The following SNTG1 variants were observed in gnomAD, a reference collection of about 807,000 sequenced individuals.
The protein encoded by SNTG1 is gamma-1-syntrophin.
A neutral mutation model predicts 74.7 loss-of-function variants in SNTG1; 39 were observed. The ratio of observed to expected loss-of-function variants is 0.52; its 90% CI spans 0.40 to 0.68. The LOEUF (loss-of-function observed/expected upper bound fraction) is 0.68. Among genes scored for constraint, SNTG1 ranks in the 30% least tolerant of loss-of-function variants. The pLI is 0.00. For synonymous variants in SNTG1, 254 were observed against 217.1 expected (o/e 1.17, Z -1.49); for missense variants, 685 against 609.5 (o/e 1.12, Z -1.30).
chr8:50,074,360 A>G (rs962409090), intron 1 of SNTG1, among the ~76,000 whole-genome samples: 12 of 152,198 alleles, frequency 7.9e-5, no homozygotes, highest in African/African-American at 2.7e-4. Context: ...TTGGTTTAAG[A>G]AGAGTTGTGG....
chr8:50,262,710 G>A (rs6987291), intron 2 of SNTG1, among the ~76,000 whole-genome samples: 135,896 of 152,156 alleles, frequency 0.89, 62,174 homozygotes, highest in East Asian at 1. Context: ...CGCCCGGCCC[G>A]AAATCTTTTT....
chr8:50,175,666 A>G (rs1271190432), intron 2 of SNTG1, among the ~76,000 whole-genome samples: 3 of 152,198 alleles, frequency 2.0e-5, no homozygotes, highest in East Asian at 1.9e-4. Context: ...CTAAAGCCCA[A>G]TAAGAGTACA....
At chr8:50,559,240 TA>T (rs1167841480) in intron 12 of SNTG1, among the ~76,000 whole-genome samples, 1 of 152,208 alleles carries the variant, frequency 6.6e-6, no homozygotes, top group Non-Finnish European at 1.5e-5. Context: ...AGTGTTTAGA[TA>T]AATAAACAAA....
intron 1 of SNTG1, among the ~76,000 whole-genome samples, chr8:50,002,576 G>A (rs1814842735): frequency 6.6e-6 from 1 of 151,682 alleles, no homozygotes; most frequent in Non-Finnish European, 1.5e-5. Flanking sequence ...TATATTGGGT[G>A]GATTACTTGA....
chr8:49,933,858 C>G (rs1015519839), intron 1 of SNTG1, among the ~76,000 whole-genome samples: 2 of 152,072 alleles, frequency 1.3e-5, no homozygotes, highest in African/African-American at 2.4e-5. Flanking sequence ...ACCTCCTGGA[C>G]TTGGTTGTGG....
At chr8:50,611,410 G>A (rs1179420751) in intron 13 of SNTG1, among the ~76,000 whole-genome samples, 1 of 152,096 alleles carries the variant, frequency 6.6e-6, no homozygotes. Context: ...AGTTAGTGTG[G>A]GGAGGGGTAG....
chr8:50,071,164 C>A (rs1255698413), intron 1 of SNTG1, among the ~76,000 whole-genome samples: 1 of 152,180 alleles, frequency 6.6e-6, no homozygotes, highest in Non-Finnish European at 1.5e-5. Context: ...ACAAAAGAAT[C>A]TGTGGACCTC....
chr8:50,531,792 C>T (rs2094270553), intron 10 of SNTG1, among the ~76,000 whole-genome samples: 2 of 152,144 alleles, frequency 1.3e-5, no homozygotes, highest in Admixed American at 6.5e-5. Context: ...GAAACAAGAG[C>T]AACTTACTTC....
At chr8:50,421,051 G>C (rs1390375012) in intron 4 of SNTG1, among the ~76,000 whole-genome samples, 4 of 23,170 alleles carry the variant, frequency 1.7e-4, no homozygotes, top group Admixed American at 4.9e-4. Context: ...GTGGGCGGGG[G>C]AGGGGGGGGC....
chr8:50,604,213 G>A (rs113964374), intron 13 of SNTG1, among the ~76,000 whole-genome samples: 1 of 152,118 alleles, frequency 6.6e-6, no homozygotes, highest in Non-Finnish European at 1.5e-5. Flanking sequence ...TAGCTCAGGA[G>A]TTTGAGATCA....
At chr8:50,306,585 C>T (rs936878870) in intron 2 of SNTG1, among the ~76,000 whole-genome samples, 1 of 152,022 alleles carries the variant, frequency 6.6e-6, no homozygotes, top group Non-Finnish European at 1.5e-5. Flanking sequence ...TTCATATTAG[C>T]CATTCTGGTA....
chr8:50,241,772 A>G (rs932608072), intron 2 of SNTG1, among the ~76,000 whole-genome samples: 2 of 152,200 alleles, frequency 1.3e-5, no homozygotes, highest in African/African-American at 2.4e-5. Context: ...TTCATGCCAG[A>G]TGGGATGATA....
intron 13 of SNTG1, among the ~76,000 whole-genome samples, chr8:50,609,206 G>C (rs576816401): frequency 1.3e-4 from 19 of 151,950 alleles, no homozygotes; most frequent in African/African-American, 4.6e-4. Context: ...GTCGGACTTC[G>C]TTAAGTATTT....
chr8:50,530,387 A>G, intron 10 of SNTG1, 128 bp downstream of exon 10: 1 of 933,330 alleles, frequency 1.1e-6, no homozygotes, highest in Non-Finnish European at 1.6e-6. Flanking sequence ...GAATTATGAT[A>G]AACAAGAAAT....
At chr8:50,012,607 G>A (rs774076721) in intron 1 of SNTG1, among the ~76,000 whole-genome samples, 43 of 152,228 alleles carry the variant, frequency 2.8e-4, no homozygotes, top group Admixed American at 7.9e-4. Flanking sequence ...TGACAGATCA[G>A]GAGATTACTG....
chr8:50,727,199 G>A (rs2095502285), intron 17 of SNTG1, among the ~76,000 whole-genome samples: 1 of 152,146 alleles, frequency 6.6e-6, no homozygotes, highest in Non-Finnish European at 1.5e-5. Flanking sequence ...TAGAGGCAGG[G>A]AGTCTGATGG....
chr8:50,345,302 G>A lies in SNTG1; in HGVS notation c.-27-48910G>A, dbSNP rs79983767. Among the ~76,000 whole-genome samples the A allele has an allele frequency of 4.9e-3, 741 of 152,274 alleles. 9 individuals are homozygous for A. The highest frequency in any genetic ancestry group is 0.017 in the African/African-American group (707 of 41,548). On this transcript the variant is annotated intron_variant, in intron 2 of 18. Coordinates refer to ENST00000642720, the MANE Select transcript of SNTG1 (RefSeq NM_018967.5). ...GACTCACAGCAATTACTAGCCCATA[G>A]ATATTCTGAAAGCTGGCAAGGTGCA... is the stretch of plus-strand genomic sequence containing the variant.
intron 1 of SNTG1, among the ~76,000 whole-genome samples, chr8:49,916,396 T>C (rs891198852): frequency 6.6e-6 from 1 of 152,174 alleles, no homozygotes; most frequent in Non-Finnish European, 1.5e-5. Context: ...AATTTGGTCT[T>C]CAATTTGTCA....
At chr8:50,001,471 A>C (rs1262589642) in intron 1 of SNTG1, among the ~76,000 whole-genome samples, 1 of 152,170 alleles carries the variant, frequency 6.6e-6, no homozygotes, top group Non-Finnish European at 1.5e-5. Context: ...GCCTTGTCAA[A>C]AGAGGGCCCA....
Sources: gnomAD v4.1 joint callset for allele counts (sites outside exome capture counted in the v4.1 genomes callset) on GRCh38, gnomAD v4.1.1 for gene constraint, MANE v1.5 for transcripts, NCBI Gene and HGNC (gene_info 2026-07-23, HGNC 2026-07-21) for gene names.